MYO18B: variants seen among roughly 807,000 people sequenced by gnomAD.
MYO18B encodes the protein unconventional myosin-XVIIIb.
MYO18B carries 204 observed loss-of-function variants against 273.0 expected under a neutral mutation model. The observed-to-expected ratio is 0.75, with a 90% CI of 0.67 to 0.84. The LOEUF (loss-of-function observed/expected upper bound fraction) is 0.84, where lower values mean the gene tolerates loss of function less well. Among genes scored for constraint, MYO18B ranks in the 40% least tolerant of loss-of-function variants. The probability of loss-of-function intolerance (pLI) is 0.00; values close to 1 mark genes in which losing one functional copy is unlikely to be tolerated. For missense variants in MYO18B, 3,212 were observed against 3,287.6 expected (o/e 0.98, Z 0.56); for synonymous variants, 1,330 against 1,305.7 (o/e 1.02, Z -0.40).
chr22:26,012,551 C>T (rs1221220488), intron 42 of MYO18B, among the ~76,000 whole-genome samples: 2 of 152,090 alleles, frequency 1.3e-5, no homozygotes, highest in African/African-American at 2.4e-5. Context: ...AACCATGGAC[C>T]AAAGGCCTGA....
At chr22:25,870,070 G>A (rs754648362) in intron 22 of MYO18B, among the ~76,000 whole-genome samples, 2 of 152,174 alleles carry the variant, frequency 1.3e-5, no homozygotes, top group Non-Finnish European at 2.9e-5. Context: ...AGGAAGCTGT[G>A]CCCCTGGGAA....
At chr22:25,868,439 A>G in intron 22 of MYO18B, 54 bp downstream of exon 22, 3 of 1,428,454 alleles carry the variant, frequency 2.1e-6, no homozygotes, top group Non-Finnish European at 2.9e-6. Flanking sequence ...GGACCCAGAG[A>G]TGACCTGATT....
the MYO18B span, among the ~76,000 whole-genome samples, chr22:26,061,069 G>A: frequency 8.3e-6 from 1 of 120,760 alleles, no homozygotes; most frequent in Non-Finnish European, 1.6e-5. Flanking sequence ...ACCTTCTGTA[G>A]CCCCAGCTAC....
chr22:26,031,237 C>A (rs184088012), downstream of MYO18B, among the ~76,000 whole-genome samples: 4 of 152,278 alleles, frequency 2.6e-5, no homozygotes, highest in African/African-American at 9.6e-5. Flanking sequence ...TTGTCTCCAT[C>A]CCCAGGACCC....
chr22:25,788,263 A>G (rs1047153792), intron 11 of MYO18B, among the ~76,000 whole-genome samples: 3 of 152,214 alleles, frequency 2.0e-5, no homozygotes, highest in African/African-American at 7.2e-5. Flanking sequence ...AGCCTGGGCT[A>G]GTTACTGGGG....
the MYO18B span, among the ~76,000 whole-genome samples, chr22:26,045,513 C>T: frequency 6.6e-6 from 1 of 152,188 alleles, no homozygotes; most frequent in South Asian, 2.1e-4. Flanking sequence ...GACAAAGTCT[C>T]AACCAACCCA....
At chr22:25,824,424 A>G (rs1383196135) in intron 13 of MYO18B, among the ~76,000 whole-genome samples, 1 of 152,156 alleles carries the variant, frequency 6.6e-6, no homozygotes, top group East Asian at 1.9e-4. Flanking sequence ...AGCTGGAAGA[A>G]TGAGGATGCT....
intron 39 of MYO18B, among the ~76,000 whole-genome samples, chr22:25,956,212 CT>C (rs60449297): frequency 0.13 from 18,584 of 139,120 alleles, 1,778 homozygotes; most frequent in Admixed American, 0.25. Flanking sequence ...ACCGAGGAAC[CT>C]TTTTTTTTTT....
Position 25,763,396 on chromosome 22 carries a change from G to T in MYO18B, c.198+7G>T, listed in dbSNP as rs755262252. On this transcript the variant is annotated splice_region_variant and intron_variant, in intron 3 of 43. Transcript: ENST00000335473. ...CGCCTCTCCAGAACGAGAGGTAAGT[G>T]GTTCCTAAGAAGGAGGACCGTATGC... 1 of 1,605,708 alleles carries T rather than the reference G, an allele frequency of 6.2e-7. No individual in the cohort carries two copies. The highest frequency in any genetic ancestry group is 8.5e-7 in the Non-Finnish European group (1 of 1,178,064).
intron 39 of MYO18B, among the ~76,000 whole-genome samples, chr22:25,969,626 T>C (rs2093015253): frequency 6.6e-6 from 1 of 151,990 alleles, no homozygotes; most frequent in African/African-American, 2.4e-5. Flanking sequence ...CACTTACCTT[T>C]GCCCTAGAAC....
intron 34 of MYO18B, among the ~76,000 whole-genome samples, chr22:25,924,843 T>C (rs2092397857): frequency 6.6e-6 from 1 of 152,122 alleles, no homozygotes; most frequent in African/African-American, 2.4e-5. Flanking sequence ...TGGGGGAGTA[T>C]TGATAGAGAT....
At chr22:25,823,883 A>G (rs1020165593) in intron 13 of MYO18B, among the ~76,000 whole-genome samples, 3 of 152,248 alleles carry the variant, frequency 2.0e-5, no homozygotes, top group Admixed American at 6.5e-5. Context: ...TTCAGTGGCC[A>G]TGAAGGCTGC....
intron 40 of MYO18B, among the ~76,000 whole-genome samples, chr22:25,998,621 C>T (rs8139267): frequency 0.47 from 70,820 of 151,966 alleles, 18,050 homozygotes; most frequent in African/African-American, 0.66. Context: ...ACTGAGGGCA[C>T]GCTTCTGAGT....
chr22:26,033,562 C>T (rs1221614651), downstream of MYO18B, among the ~76,000 whole-genome samples: 3 of 152,158 alleles, frequency 2.0e-5, no homozygotes, highest in Non-Finnish European at 4.4e-5. Flanking sequence ...AAGTCTTCCT[C>T]ATTATGCAGC....
At chr22:25,955,150 A>G (rs923467033) in intron 38 of MYO18B, 29 bp from the exon 39 acceptor site, 1 of 1,551,272 alleles carries the variant, frequency 6.4e-7, no homozygotes, top group Non-Finnish European at 8.7e-7. Flanking sequence ...TCCAACTCCA[A>G]GGTGGGCATG....
chr22:25,968,434 C>T (rs1235648792), intron 39 of MYO18B, among the ~76,000 whole-genome samples: 1 of 152,172 alleles, frequency 6.6e-6, no homozygotes, highest in Non-Finnish European at 1.5e-5. Flanking sequence ...ACTGTGGAAG[C>T]CACATCTGTG....
chr22:25,792,432 G>C lies in MYO18B; in HGVS notation c.2377-5521G>C, dbSNP rs561880734. ...GACTGACACCTGTCCTGCCCTCCCTGCAGTCTCCATGAGGTTCACTGGCCT... is the reference window on the plus strand; with the variant it reads ...GACTGACACCTGTCCTGCCCTCCCTCCAGTCTCCATGAGGTTCACTGGCCT... On this transcript the variant is annotated intron_variant, in intron 11 of 43. Coordinates refer to ENST00000335473, the MANE Select transcript of MYO18B (RefSeq NM_032608.7). Among the ~76,000 whole-genome samples, 13 of 151,048 alleles carry C rather than the reference G, an allele frequency of 8.6e-5. 1 individual carries two copies. In the South Asian group the frequency reaches 2.7e-3, roughly 32 times the overall value.
Position 26,006,552 on chromosome 22 carries a change from C to A in MYO18B, c.6470+1697C>A. On this transcript the variant is annotated intron_variant, in intron 42 of 43. Transcript: ENST00000335473. ...GTATACAATGTATAGTTTTTAAAGT[C>A]AACGTTTTTAGAACAACAAGACAAA... 4 of 208,016 alleles carry A rather than the reference C, an allele frequency of 1.9e-5. No homozygotes were observed. The South Asian group carries it at 4.6e-4, about 24-fold the overall frequency. The allele number at this position is 208,016 out of a possible 1,614,324, so 12.9% of individuals were successfully genotyped here. A position where few individuals can be genotyped will look rare whatever the true frequency, so the allele number is the denominator to read the frequency against.
chr22:25,782,700 C>T (rs976910338), intron 10 of MYO18B, among the ~76,000 whole-genome samples: 8 of 152,214 alleles, frequency 5.3e-5, no homozygotes, highest in African/African-American at 1.9e-4. Context: ...TGTTCCCCAA[C>T]CTTCCCTCCC....
Sources: gnomAD v4.1 joint callset for allele counts (sites outside exome capture counted in the v4.1 genomes callset) on GRCh38, gnomAD v4.1.1 for gene constraint, MANE v1.5 for transcripts, NCBI Gene and HGNC (gene_info 2026-07-23, HGNC 2026-07-21) for gene names.